Variants in GLIS3 observed in about 807,000 individuals in gnomAD.
The protein encoded by GLIS3 is zinc finger protein GLIS3.
In GLIS3, 53 loss-of-function variants were observed where a neutral mutation model predicts 78.6. The ratio of observed to expected loss-of-function variants is 0.67; its 90% CI spans 0.54 to 0.85. The LOEUF (loss-of-function observed/expected upper bound fraction) is 0.85, where lower values mean the gene tolerates loss of function less well. GLIS3 is among the 40% of genes least tolerant of loss of function. The pLI, the probability that GLIS3 is intolerant of heterozygous loss-of-function variation, is 0.00. For synonymous variants in GLIS3, 684 were observed against 509.9 expected (o/e 1.34, Z -4.60); for missense variants, 1,703 against 1,231.1 (o/e 1.38, Z -5.74).
At chr9:4,179,976 A>T (rs1331199713) in intron 2 of GLIS3, among the ~76,000 whole-genome samples, 1 of 152,102 alleles carries the variant, frequency 6.6e-6, no homozygotes, top group Non-Finnish European at 1.5e-5. Context: ...CTGGAAATTC[A>T]AACTTGATAT....
At chr9:4,355,117 G>C in the GLIS3 span, among the ~76,000 whole-genome samples, 4 of 149,390 alleles carry the variant, frequency 2.7e-5, no homozygotes, top group Admixed American at 6.7e-5. Context: ...GGGCGACAGA[G>C]CGAGACTCCA....
the GLIS3 span, among the ~76,000 whole-genome samples, chr9:4,358,319 T>C: frequency 1.6e-5 from 2 of 125,392 alleles, no homozygotes; most frequent in Non-Finnish European, 3.6e-5. Flanking sequence ...ATCACTTTTG[T>C]AATTTACAAA....
intron 4 of GLIS3, among the ~76,000 whole-genome samples, chr9:4,105,798 T>C (rs1830705635): frequency 6.6e-6 from 1 of 152,190 alleles, no homozygotes; most frequent in Admixed American, 6.5e-5. Flanking sequence ...AGCCTCATTC[T>C]ATGGGCACAG....
chr9:4,065,014 A>AT (rs1215494230), intron 4 of GLIS3, among the ~76,000 whole-genome samples: 2 of 152,158 alleles, frequency 1.3e-5, no homozygotes, highest in Non-Finnish European at 2.9e-5. Context: ...ACTGTTACTA[A>AT]TTTTTTAGAA....
Position 4,083,650 on chromosome 9 carries a change from A to C in GLIS3, c.1710+34118T>G, listed in dbSNP as rs545902536. On this transcript the variant is annotated intron_variant, in intron 4 of 10. Transcript: ENST00000381971. ...TTCTTGGTATGATTTATACCACTGA[A>C]GATGTGTATGACAATGTTTAAGAGT... Among the ~76,000 whole-genome samples, 25 of 152,316 alleles carry C rather than the reference A, an allele frequency of 1.6e-4. 1 individual carries two copies. The South Asian group carries it at 4.8e-3, about 29-fold the overall frequency.
intron 2 of GLIS3, among the ~76,000 whole-genome samples, chr9:4,230,827 C>G (rs1034747820): frequency 6.6e-6 from 1 of 152,178 alleles, no homozygotes; most frequent in East Asian, 1.9e-4. Context: ...GAATCTAATT[C>G]TAAGAAAGCC....
chr9:3,834,524 C>A (rs1056005795), intron 9 of GLIS3, among the ~76,000 whole-genome samples: 11 of 152,202 alleles, frequency 7.2e-5, no homozygotes, highest in African/African-American at 2.6e-4. Context: ...GGCTATTGTA[C>A]CTGACAGCAC....
chr9:4,247,532 T>C (rs1379228318), intron 2 of GLIS3, among the ~76,000 whole-genome samples: 1 of 152,146 alleles, frequency 6.6e-6, no homozygotes, highest in Non-Finnish European at 1.5e-5. Flanking sequence ...CTAAAGCCCA[T>C]CCACAGATTC....
chr9:4,222,503 C>G (rs1373330734), intron 2 of GLIS3, among the ~76,000 whole-genome samples: 1 of 152,222 alleles, frequency 6.6e-6, no homozygotes, highest in Non-Finnish European at 1.5e-5. Flanking sequence ...ACTTAACACT[C>G]ACCACCTACA....
In GLIS3 at chr9:4,159,033, G is replaced by GAAAA. The variant is rs1315271767; in HGVS notation, c.389-33096_389-33093dup. On this transcript the variant is annotated intron_variant, in intron 2 of 10. Coordinates refer to ENST00000381971, the MANE Select transcript of GLIS3 (RefSeq NM_001042413.2). ...TGGTATGCTAGAGAAAGGAGAAGAA[G>GAAAA]AAAAAAAAAAAAAAAAGCCAGGCTA... Among the ~76,000 whole-genome samples the GAAAA allele has an allele frequency of 1.4e-4, 12 of 87,658 alleles. 1 individual carries two copies. Among genetic ancestry groups the GAAAA allele is most frequent in the African/African-American group, 4.8e-4 (12 of 24,764 alleles). 57.5% of individuals were successfully genotyped at this position (87,658 alleles called of 152,430 possible). A position where few individuals can be genotyped will look rare whatever the true frequency, so the allele number is the denominator to read the frequency against.
In GLIS3 at chr9:3,860,272, C is replaced by CAAAAAAAAAA. The variant is rs59923144; in HGVS notation, c.2298-4098_2298-4089dup. On this transcript the variant is annotated intron_variant, in intron 8 of 10. Transcript: ENST00000381971. ...CCTGGGTGACAGAGCAAGACTCTGTCAAAAAAAAAAAAAAAAAAAAAAAAA... is the reference window on the plus strand; with the variant it reads ...CCTGGGTGACAGAGCAAGACTCTGTCAAAAAAAAAAAAAAAAAAAAAAAAAAAAAAAAAAA... Among the ~76,000 whole-genome samples the CAAAAAAAAAA allele has an allele frequency of 1.1e-3, 57 of 53,602 alleles. 4 individuals are homozygous for CAAAAAAAAAA. Among genetic ancestry groups the CAAAAAAAAAA allele is most frequent in the East Asian group, 3.3e-3 (5 of 1,512 alleles). 35.2% of individuals were successfully genotyped at this position (53,602 alleles called of 152,430 possible).
rs114153924 is a variant in GLIS3 at position 4,028,961 on chromosome 9, T to C, written c.1710+88807A>G. Among the ~76,000 whole-genome samples, 1,371 of 152,286 alleles carry C rather than the reference T, an allele frequency of 9.0e-3. 23 individuals carry two copies. Among genetic ancestry groups the C allele is most frequent in the African/African-American group, 0.029 (1,212 of 41,552 alleles). On this transcript the variant is annotated intron_variant, in intron 4 of 10. Coordinates refer to ENST00000381971, the MANE Select transcript of GLIS3 (RefSeq NM_001042413.2). ...AATCTTACACATTCAGGTGGTAAGA[T>C]ACATTATATGTGCTGTCTGTGTGGT...
intron 4 of GLIS3, among the ~76,000 whole-genome samples, chr9:4,050,339 TCG>T (rs1825642989): frequency 6.6e-6 from 1 of 151,990 alleles, no homozygotes; most frequent in Non-Finnish European, 1.5e-5. Flanking sequence ...CAGTAAACTA[TCG>T]CAAGGACAGA....
intron 2 of GLIS3, among the ~76,000 whole-genome samples, chr9:4,231,279 T>C (rs965996931): frequency 6.6e-6 from 1 of 152,124 alleles, no homozygotes; most frequent in African/African-American, 2.4e-5. Flanking sequence ...ATACGTGACA[T>C]ATTAAAAATG....
the GLIS3 span, among the ~76,000 whole-genome samples, chr9:4,480,393 T>C: frequency 1.3e-5 from 2 of 151,758 alleles, no homozygotes; most frequent in East Asian, 3.9e-4. Context: ...GTAGAGTCAG[T>C]GTCTCATTAT....
intron 4 of GLIS3, among the ~76,000 whole-genome samples, chr9:4,044,181 T>C (rs1825060103): frequency 6.6e-6 from 1 of 152,196 alleles, no homozygotes; most frequent in South Asian, 2.1e-4. Flanking sequence ...AATGAAGTTC[T>C]TACAACAAAA....
chr9:4,055,267 C>T (rs1019618031), intron 4 of GLIS3, among the ~76,000 whole-genome samples: 1 of 152,172 alleles, frequency 6.6e-6, no homozygotes, highest in African/African-American at 2.4e-5. Flanking sequence ...AATGTAGCTA[C>T]AGATGTCGAG....
the GLIS3 span, among the ~76,000 whole-genome samples, chr9:4,439,049 G>A: frequency 6.6e-6 from 1 of 152,160 alleles, no homozygotes. Flanking sequence ...AATGGCCAAT[G>A]TTGGTTCCTC....
chr9:4,300,969 A>G (rs374104363), upstream of GLIS3, among the ~76,000 whole-genome samples: 241 of 152,230 alleles, frequency 1.6e-3, no homozygotes, highest in Non-Finnish European at 2.8e-3. Context: ...CTTATATTCT[A>G]TTCTACTGTT....
Sources: gnomAD v4.1 joint callset for allele counts (sites outside exome capture counted in the v4.1 genomes callset) on GRCh38, gnomAD v4.1.1 for gene constraint, MANE v1.5 for transcripts, NCBI Gene and HGNC (gene_info 2026-07-23, HGNC 2026-07-21) for gene names.